The following FBXL20 variants were observed in gnomAD, a reference collection of about 807,000 sequenced individuals.
FBXL20 encodes the protein F-box and leucine rich repeat protein 20, also known as F-box/LRR-repeat protein 20.
Under a neutral mutation model 64.0 loss-of-function variants are expected in FBXL20, and 11 were observed. The ratio of observed to expected loss-of-function variants is 0.17; its 90% confidence interval spans 0.11 to 0.28. The LOEUF (loss-of-function observed/expected upper bound fraction) is 0.28, where lower values mean the gene tolerates loss of function less well. Among genes scored for constraint, FBXL20 ranks in the 10% least tolerant of loss-of-function variants. The pLI, the probability that FBXL20 is intolerant of heterozygous loss-of-function variation, is 1.00. For synonymous variants in FBXL20, 184 were observed against 189.0 expected, an observed-to-expected ratio of 0.97 and a Z score of 0.22; for missense variants, 303 against 526.2, an observed-to-expected ratio of 0.58 and a Z score of 4.15.
At position 39,337,333 on chromosome 17, in the gene FBXL20, C is replaced by T. The variant is rs537923311; in HGVS notation, c.104+5847G>A. Among the ~76,000 whole-genome samples the T allele has an allele frequency of 1.9e-3, 284 of 152,168 alleles. 2 individuals carry two copies. Among genetic ancestry groups the T allele is most frequent in the African/African-American group, 6.5e-3 (271 of 41,508 alleles). Reference sequence around the variant, plus strand: ...AGTGCAGTGGTGTGATCTCGGCTCGCTACAACCTCCACCTCCCAGCCGCCT... The same window carrying T: ...AGTGCAGTGGTGTGATCTCGGCTCGTTACAACCTCCACCTCCCAGCCGCCT... On this transcript the variant is annotated intron_variant, in intron 2 of 14. Transcript: ENST00000264658.
chr17:39,365,232 T>G (rs1446993789), intron 1 of FBXL20, among the ~76,000 whole-genome samples: 2 of 152,240 alleles, frequency 1.3e-5, no homozygotes, highest in African/African-American at 4.8e-5. Flanking sequence ...ATGCCATTCC[T>G]TCATTCAACC....
upstream of FBXL20, chr17:39,401,980 C>G (rs2048251695): frequency 4.3e-6 from 2 of 467,440 alleles, no homozygotes; most frequent in East Asian, 7.1e-5. Context: ...AGAGCAGTAC[C>G]GCACTCTGCG....
intron 13 of FBXL20, among the ~76,000 whole-genome samples, chr17:39,264,960 C>G (rs1294641105): frequency 6.6e-6 from 1 of 152,166 alleles, no homozygotes; most frequent in African/African-American, 2.4e-5. Context: ...AACAGTCACT[C>G]AGAATGCCTT....
chr17:39,278,161 T>C (rs2046915947), intron 9 of FBXL20, among the ~76,000 whole-genome samples: 1 of 152,220 alleles, frequency 6.6e-6, no homozygotes, highest in South Asian at 2.1e-4. Context: ...TGTTTTTTGT[T>C]TTGAGACAGA....
chr17:39,319,811 G>A (rs1005820374), intron 2 of FBXL20, among the ~76,000 whole-genome samples: 5 of 149,370 alleles, frequency 3.3e-5, no homozygotes, highest in Admixed American at 1.3e-4. Flanking sequence ...ACCGGGTCTC[G>A]CTGTTGCCCA....
At chr17:39,298,465 T>C (rs1158880128) in intron 5 of FBXL20, among the ~76,000 whole-genome samples, 1 of 152,076 alleles carries the variant, frequency 6.6e-6, no homozygotes, top group Non-Finnish European at 1.5e-5. Context: ...ATGCCCGTAA[T>C]TCCAGCACTT....
intron 11 of FBXL20, among the ~76,000 whole-genome samples, chr17:39,270,281 C>T (rs1189395943): frequency 2.0e-5 from 3 of 151,612 alleles, no homozygotes; most frequent in Admixed American, 6.6e-5. Context: ...CAGTGGCTCA[C>T]GTCTGTAATC....
chr17:39,328,196 C>A (rs1227524953), intron 2 of FBXL20, among the ~76,000 whole-genome samples: 1 of 138,460 alleles, frequency 7.2e-6, no homozygotes. Context: ...TACAGTGAGC[C>A]GAGATCACGC....
intron 1 of FBXL20, among the ~76,000 whole-genome samples, chr17:39,385,200 C>A (rs144858426): frequency 1.3e-5 from 2 of 152,062 alleles, no homozygotes; most frequent in Non-Finnish European, 2.9e-5. Flanking sequence ...CCAGACTGGG[C>A]AACATTGTGA....
chr17:39,264,074 A>T, intron 14 of FBXL20, 101 bp downstream of exon 14: 5 of 1,257,910 alleles, frequency 4.0e-6, no homozygotes, highest in Non-Finnish European at 5.6e-6. Context: ...TGTTCAAGTA[A>T]ATATAAAAAT....
chr17:39,279,859 T>G (rs2144382448), intron 9 of FBXL20, among the ~76,000 whole-genome samples: 1 of 152,176 alleles, frequency 6.6e-6, no homozygotes, highest in East Asian at 1.9e-4. Flanking sequence ...ACCACCGCAT[T>G]CCAGCCTGGG....
intron 1 of FBXL20, among the ~76,000 whole-genome samples, chr17:39,378,906 C>T (rs796505392): frequency 4.1e-4 from 62 of 150,562 alleles, no homozygotes; most frequent in African/African-American, 1.2e-3. Flanking sequence ...CCACCGCGCC[C>T]GGCCATAGGA....
At chr17:39,324,022 C>T (rs1165686918) in intron 2 of FBXL20, among the ~76,000 whole-genome samples, 1 of 140,932 alleles carries the variant, frequency 7.1e-6, no homozygotes, top group African/African-American at 2.9e-5. Flanking sequence ...CCTCCCCCCC[C>T]CACCCCCTGG....
At chr17:39,356,773 T>G (rs908664512) in intron 1 of FBXL20, among the ~76,000 whole-genome samples, 1 of 151,354 alleles carries the variant, frequency 6.6e-6, no homozygotes, top group Non-Finnish European at 1.5e-5. Flanking sequence ...CTACCACCTC[T>G]GCCTCCTGAG....
Position 39,267,339 on chromosome 17 carries a change from C to A in FBXL20, c.933+1488G>T, listed in dbSNP as rs544136297. ...AACAGTCTGAGCGATAACAGCAAGA[C>A]CCTGTCTCTAAAAAAATCTGTCCCC... On this transcript the variant is annotated intron_variant, in intron 12 of 14. Coordinates refer to ENST00000264658, the MANE Select transcript of FBXL20 (RefSeq NM_032875.3). Among the ~76,000 whole-genome samples the A allele has an allele frequency of 7.2e-5, 11 of 152,096 alleles. No individual in the cohort carries two copies. The South Asian group carries it at 2.3e-3, about 32-fold the overall frequency.
At chr17:39,318,740 TAAACAAAC>T (rs894205679) in intron 2 of FBXL20, among the ~76,000 whole-genome samples, 1 of 151,406 alleles carries the variant, frequency 6.6e-6, no homozygotes, top group Non-Finnish European at 1.5e-5. Context: ...AACTCCATCT[TAAACAAAC>T]AAACAAACAA....
At chr17:39,380,695 ATTT>A (rs1375444847) in intron 1 of FBXL20, among the ~76,000 whole-genome samples, 3 of 152,100 alleles carry the variant, frequency 2.0e-5, no homozygotes, top group Non-Finnish European at 4.4e-5. Flanking sequence ...CCCTCACTAG[ATTT>A]TAAACTCCAT....
At chr17:39,388,474 GCTT>G (rs1379930349) in intron 1 of FBXL20, among the ~76,000 whole-genome samples, 2 of 149,162 alleles carry the variant, frequency 1.3e-5, no homozygotes, top group Non-Finnish European at 3.0e-5. Flanking sequence ...AAAAAAAGTT[GCTT>G]TTTTTTTTTT....
chr17:39,322,879 A>G (rs1205543580), intron 2 of FBXL20, among the ~76,000 whole-genome samples: 1 of 151,784 alleles, frequency 6.6e-6, no homozygotes, highest in Admixed American at 6.6e-5. Flanking sequence ...ATCTCGGCTC[A>G]CTGCAAGCTC....
Sources: gnomAD v4.1 joint callset for allele counts (sites outside exome capture counted in the v4.1 genomes callset) on GRCh38, gnomAD v4.1.1 for gene constraint, MANE v1.5 for transcripts, NCBI Gene and HGNC (gene_info 2026-07-23, HGNC 2026-07-21) for gene names.